Variants in ZPBP observed in about 807,000 individuals in gnomAD.
ZPBP encodes the protein zona pellucida binding protein.
ZPBP carries 26 observed loss-of-function variants against 44.8 expected under a neutral mutation model. That is an observed-to-expected ratio of 0.58 (90% CI 0.43 to 0.81). The LOEUF is 0.81. Ranked by LOEUF, ZPBP falls within the 30% of genes least tolerant of loss-of-function variation. The pLI is 0.00. For missense variants in ZPBP, 409 were observed against 434.0 expected (o/e 0.94, Z 0.51); for synonymous variants, 174 against 153.2 (o/e 1.14, Z -1.00).
chr7:49,981,692 T>TTG (rs1796978925), intron 7 of ZPBP, among the ~76,000 whole-genome samples: 1 of 40,458 alleles, frequency 2.5e-5, no homozygotes, highest in Non-Finnish European at 3.6e-5. Context: ...TAATAATATA[T>TTG]ATAATTATAT....
At position 50,081,847 on chromosome 7, in the gene ZPBP, C is replaced by G. The variant is rs769864652; in HGVS notation, c.261G>C (p.Thr87=). The G allele has an allele frequency of 1.2e-5, 20 of 1,611,250 alleles. No homozygotes were observed. Among genetic ancestry groups the G allele is most frequent in the Non-Finnish European group, 1.5e-5 (18 of 1,178,168 alleles). The change falls in exon 3 of 8, where the codon ACG becomes ACC. Residue 87 remains threonine (T), a synonymous_variant. Coordinates refer to ENST00000046087, the MANE Select transcript of ZPBP (RefSeq NM_007009.3). Reference sequence around the variant, plus strand: ...TCAGTTCAGCATTTCGCAGTTGTTGCGTTACACATAACACGTGTGGACTCT... The same window carrying G: ...TCAGTTCAGCATTTCGCAGTTGTTGGGTTACACATAACACGTGTGGACTCT... ...HQKSPHVLCV[T]QQLRNAELID...
At chr7:49,948,130 C>G (rs751377039) in intron 7 of ZPBP, among the ~76,000 whole-genome samples, 5 of 152,182 alleles carry the variant, frequency 3.3e-5, no homozygotes, top group Non-Finnish European at 7.3e-5. Context: ...GTCCAGAAAT[C>G]CTATCCAGGA....
chr7:49,860,608 G>T (rs1348877005), intron 2 of ZPBP, among the ~76,000 whole-genome samples: 2 of 152,152 alleles, frequency 1.3e-5, no homozygotes, highest in Non-Finnish European at 2.9e-5. Context: ...AATTCCTTTG[G>T]CTATTGTAAT....
intron 2 of ZPBP, among the ~76,000 whole-genome samples, chr7:49,858,078 T>A (rs1295353682): frequency 6.6e-6 from 1 of 152,210 alleles, no homozygotes; most frequent in Non-Finnish European, 1.5e-5. Flanking sequence ...CCACACTGAC[T>A]TCCACAATGG....
chr7:50,014,603 T>A (rs1004465085), intron 6 of ZPBP, among the ~76,000 whole-genome samples: 23 of 151,836 alleles, frequency 1.5e-4, no homozygotes, highest in Admixed American at 1.4e-3. Context: ...TAGCTGGGAT[T>A]ACAGGCACCT....
Position 49,877,481 on chromosome 7 carries a change from A to AAAAATATACAT in ZPBP, n.509+23636_509+23637insATGTATATTTT. Among the ~76,000 whole-genome samples, 26 of 12,730 alleles carry AAAAATATACAT rather than the reference A, an allele frequency of 2.0e-3. 6 individuals carry two copies. Among genetic ancestry groups the AAAAATATACAT allele is most frequent in the Non-Finnish European group, 3.3e-3 (23 of 6,950 alleles). The allele number at this position is 12,730 out of a possible 152,430, so 8.4% of individuals were successfully genotyped here. ...CTGTCTCAAAAAAAAAAAAAAAAAA[A>AAAAATATACAT]ATATATATATATATATATATATATA... On this transcript the variant is annotated intron_variant and non_coding_transcript_variant, in intron 2 of 2. Transcript: ENST00000465922.
At position 49,931,264 on chromosome 7, in the gene ZPBP, C is replaced by T. The variant is rs575492900; in HGVS notation, n.411+4487G>A. Reference sequence around the variant, plus strand: ...GCACTGCTGAAAAGATACCTGAAAACGTGGAAGCTTTGGAACTAGGTAACG... The same window carrying T: ...GCACTGCTGAAAAGATACCTGAAAATGTGGAAGCTTTGGAACTAGGTAACG... On this transcript the variant is annotated intron_variant and non_coding_transcript_variant, in intron 1 of 2. Coordinates refer to the ZPBP transcript ENST00000465922. Among the ~76,000 whole-genome samples the T allele has an allele frequency of 2.6e-3, 395 of 152,166 alleles. 3 individuals are homozygous for T. Among genetic ancestry groups the T allele is most frequent in the African/African-American group, 9.1e-3 (378 of 41,520 alleles).
intron 2 of ZPBP, among the ~76,000 whole-genome samples, chr7:49,881,413 T>C (rs901926375): frequency 2.0e-5 from 3 of 152,172 alleles, no homozygotes; most frequent in African/African-American, 7.2e-5. Flanking sequence ...GAATGAATGA[T>C]TTAATAGAAA....
intron 2 of ZPBP, among the ~76,000 whole-genome samples, chr7:49,851,955 G>A (rs1790197194): frequency 6.6e-6 from 1 of 152,070 alleles, no homozygotes; most frequent in African/African-American, 2.4e-5. Flanking sequence ...TCCCACTCCC[G>A]TTCTAAGGAC....
chr7:50,062,562 C>G (rs556448246), intron 3 of ZPBP, among the ~76,000 whole-genome samples: 1 of 152,236 alleles, frequency 6.6e-6, no homozygotes, highest in African/African-American at 2.4e-5. Context: ...ATGACAAAAA[C>G]AAGCAATGGA....
chr7:49,894,834 G>A (rs1043815522), intron 2 of ZPBP, among the ~76,000 whole-genome samples: 2 of 152,212 alleles, frequency 1.3e-5, no homozygotes, highest in African/African-American at 2.4e-5. Flanking sequence ...TCTGTTCAGC[G>A]CTAAGTGCAA....
At chr7:50,009,662 T>C (rs1718535338) in intron 6 of ZPBP, among the ~76,000 whole-genome samples, 1 of 151,964 alleles carries the variant, frequency 6.6e-6, no homozygotes, top group African/African-American at 2.4e-5. Context: ...ACTCCCTATT[T>C]ATAAAACACA....
intron 7 of ZPBP, among the ~76,000 whole-genome samples, chr7:49,946,809 T>C (rs1267613169): frequency 6.6e-6 from 1 of 152,138 alleles, no homozygotes; most frequent in Non-Finnish European, 1.5e-5. Context: ...TCACTCTCCC[T>C]TCTCCTTAAG....
At chr7:49,964,975 C>T (rs527496401) in intron 7 of ZPBP, among the ~76,000 whole-genome samples, 1 of 152,092 alleles carries the variant, frequency 6.6e-6, no homozygotes, top group Non-Finnish European at 1.5e-5. Context: ...TCACACAGGG[C>T]TGAGAATAGT....
intron 2 of ZPBP, among the ~76,000 whole-genome samples, chr7:49,883,831 A>C (rs898155584): frequency 6.6e-6 from 1 of 152,238 alleles, no homozygotes; most frequent in East Asian, 1.9e-4. Context: ...ATTCATAGAC[A>C]TACCCTAGTG....
At chr7:49,920,569 A>T (rs923984313) in intron 1 of ZPBP, 1 of 152,228 alleles carries the variant, frequency 6.6e-6, no homozygotes, top group Non-Finnish European at 1.5e-5. Flanking sequence ...TGAAGGATGT[A>T]AGGGAACAGA....
Position 49,981,695 on chromosome 7 carries a change from A to AATATAAATTATATATGGTATATTATAT in ZPBP, c.961+1646_961+1647insATATAATATACCATATATAATTTATAT, listed in dbSNP as rs1562820655. On this transcript the variant is annotated intron_variant, in intron 7 of 7. Transcript: ENST00000046087. ...ATATATTATATATAATAATATATAT[A>AATATAAATTATATATGGTATATTATAT]ATTATATATAATATATTATATATAA... Among the ~76,000 whole-genome samples the AATATAAATTATATATGGTATATTATAT allele has an allele frequency of 3.1e-4, 13 of 42,360 alleles. 1 individual carries two copies. Among genetic ancestry groups the AATATAAATTATATATGGTATATTATAT allele is most frequent in the South Asian group, 1.9e-3 (2 of 1,056 alleles). The allele number at this position is 42,360 out of a possible 152,430, so 27.8% of individuals were successfully genotyped here. A position where few individuals can be genotyped will look rare whatever the true frequency, so the allele number is the denominator to read the frequency against.
At chr7:50,042,944 G>A (rs1800165069) in intron 4 of ZPBP, among the ~76,000 whole-genome samples, 1 of 152,076 alleles carries the variant, frequency 6.6e-6, no homozygotes, top group Non-Finnish European at 1.5e-5. Context: ...CCCCAAAACT[G>A]GCCATAAACA....
chr7:50,038,646 C>T (rs553828960), intron 4 of ZPBP, among the ~76,000 whole-genome samples: 44 of 152,318 alleles, frequency 2.9e-4, no homozygotes, highest in African/African-American at 1.0e-3. Flanking sequence ...AGCAACTTCA[C>T]CCCAGAGTTG....
Sources: allele counts gnomAD v4.1 joint callset (sites outside exome capture counted in the v4.1 genomes callset), GRCh38; gene constraint gnomAD v4.1.1; transcripts MANE v1.5; gene names NCBI Gene and HGNC (gene_info 2026-07-23, HGNC 2026-07-21).